Variants in BICC1 observed in about 807,000 individuals in gnomAD.
BICC1 encodes the protein protein bicaudal C homolog 1.
BICC1 carries 43 observed loss-of-function variants against 111.0 expected under a neutral mutation model. That is an observed-to-expected ratio of 0.39 (90% CI 0.30 to 0.50). The LOEUF (loss-of-function observed/expected upper bound fraction) is 0.50. Among genes scored for constraint, BICC1 ranks in the 20% least tolerant of loss-of-function variants. The pLI is 0.88. For missense variants in BICC1, 1,091 were observed against 1,203.2 expected (o/e 0.91, Z 1.38); for synonymous variants, 467 against 434.4 (o/e 1.07, Z -0.93).
chr10:58,674,447 G>C (rs915974613), intron 2 of BICC1, among the ~76,000 whole-genome samples: 6 of 152,146 alleles, frequency 3.9e-5, no homozygotes, highest in African/African-American at 1.2e-4. Context: ...TCCTGTGTCT[G>C]TGTTTTTCTT....
At chr10:58,713,183 C>T (rs964576846) in intron 3 of BICC1, among the ~76,000 whole-genome samples, 6 of 152,068 alleles carry the variant, frequency 3.9e-5, no homozygotes, top group East Asian at 3.9e-4. Flanking sequence ...CACCAGGTGG[C>T]GACTGGACTG....
At chr10:58,731,814 C>A (rs1841307248) in intron 3 of BICC1, among the ~76,000 whole-genome samples, 1 of 151,750 alleles carries the variant, frequency 6.6e-6, no homozygotes, top group Admixed American at 6.6e-5. Flanking sequence ...ATGACAGTAC[C>A]AAGAGGGATG....
chr10:58,687,723 G>A (rs754898634), intron 2 of BICC1, among the ~76,000 whole-genome samples: 14 of 152,272 alleles, frequency 9.2e-5, no homozygotes, highest in Non-Finnish European at 1.2e-4. Flanking sequence ...TTGGAAAAGC[G>A]CAGTATTAGG....
chr10:58,721,023 C>A (rs756689897), intron 3 of BICC1, among the ~76,000 whole-genome samples: 44 of 152,178 alleles, frequency 2.9e-4, no homozygotes, highest in Non-Finnish European at 5.7e-4. Context: ...TGCTTCTCTA[C>A]CGGAGCACAT....
intron 1 of BICC1, among the ~76,000 whole-genome samples, chr10:58,609,852 T>TTGTTTTTCTAAAAAA (rs1845358919): frequency 2.0e-5 from 3 of 152,184 alleles, no homozygotes; most frequent in Admixed American, 6.5e-5. Context: ...AGGGTTAGGG[T>TTGTTTTTCTAAAAAA]TGTTTTTCTA....
chr10:58,658,608 T>C (rs1286451088), intron 2 of BICC1, among the ~76,000 whole-genome samples: 2 of 152,178 alleles, frequency 1.3e-5, no homozygotes, highest in Non-Finnish European at 2.9e-5. Flanking sequence ...ATTCCCTGTT[T>C]ATCAAATTGT....
intron 2 of BICC1, among the ~76,000 whole-genome samples, chr10:58,636,652 T>C (rs1249110190): frequency 1.3e-5 from 2 of 152,122 alleles, no homozygotes; most frequent in African/African-American, 4.8e-5. Flanking sequence ...TTTGAATCAA[T>C]AAGTGAATGT....
chr10:58,602,363 T>C (rs1050523690), intron 1 of BICC1, among the ~76,000 whole-genome samples: 3 of 152,162 alleles, frequency 2.0e-5, no homozygotes. Flanking sequence ...GAGGTAACAT[T>C]ATGTTATAAC....
chr10:58,709,516 G>A (rs935082630), intron 3 of BICC1, among the ~76,000 whole-genome samples: 4 of 152,316 alleles, frequency 2.6e-5, no homozygotes, highest in African/African-American at 7.2e-5. Flanking sequence ...TTGTGAATCC[G>A]TCTATCCCTA....
At chr10:58,659,692 A>G (rs932293701) in intron 2 of BICC1, among the ~76,000 whole-genome samples, 6 of 152,128 alleles carry the variant, frequency 3.9e-5, no homozygotes, top group African/African-American at 1.2e-4. Flanking sequence ...AAACCTGCAC[A>G]TGTACCCCTG....
intron 1 of BICC1, among the ~76,000 whole-genome samples, chr10:58,546,037 C>T (rs939399678): frequency 2.0e-5 from 3 of 152,016 alleles, no homozygotes; most frequent in East Asian, 3.9e-4. Context: ...TTTCCTGAAC[C>T]GGAATTAAGC....
At chr10:58,627,945 A>C (rs1837679957) in intron 2 of BICC1, among the ~76,000 whole-genome samples, 1 of 152,212 alleles carries the variant, frequency 6.6e-6, no homozygotes, top group African/African-American at 2.4e-5. Flanking sequence ...TGTAGGCATT[A>C]AAAATCATAC....
Position 58,513,043 on chromosome 10 carries a change from C to G in BICC1, c.-101C>G. The G allele has an allele frequency of 4.3e-6, 4 of 930,192 alleles. No individual in the cohort carries two copies. Among genetic ancestry groups the G allele is most frequent in the Non-Finnish European group, 4.2e-6 (3 of 722,408 alleles). 57.6% of individuals were successfully genotyped at this position (930,192 alleles called of 1,614,324 possible). A position where few individuals can be genotyped will look rare whatever the true frequency, so the allele number is the denominator to read the frequency against. On this transcript the variant is annotated 5_prime_UTR_variant, in exon 1 of 21. Coordinates refer to ENST00000373886, the MANE Select transcript of BICC1 (RefSeq NM_001080512.3). ...CGGCGGCTGCAGGGGGACGAGCTAG[C>G]GCCGCGGCGCTGGGAGCCAGTTGAG...
chr10:58,662,234 A>G (rs1306971522), intron 2 of BICC1, among the ~76,000 whole-genome samples: 5 of 152,244 alleles, frequency 3.3e-5, no homozygotes, highest in African/African-American at 1.2e-4. Context: ...GAAGAATATA[A>G]AAATCCCAAT....
At chr10:58,669,562 G>C (rs965351692) in intron 2 of BICC1, among the ~76,000 whole-genome samples, 16 of 152,028 alleles carry the variant, frequency 1.1e-4, no homozygotes, top group Non-Finnish European at 1.5e-4. Context: ...TATTGTATTT[G>C]ATAGTGGAAA....
rs773678874 is a variant in BICC1, at chr10:58,799,128, GA to G, written c.1602del (p.Val535CysfsTer15). The part of the protein sequence containing the change: ...QATLTNILLS[G>X]VPTYGHTAPS... ...ACATTAACTAATATTTTGTTGTCTG[GA>G]GTGCCCACCTATGGGCACACAGCTC... On this transcript the variant is annotated frameshift_variant, in exon 12 of 21. Transcript: ENST00000373886. LOFTEE classifies it high-confidence loss of function. The G allele has an allele frequency of 6.2e-7, 1 of 1,613,540 alleles. No individual in the cohort carries two copies. Among genetic ancestry groups the G allele is most frequent in the South Asian group, 1.1e-5 (1 of 91,032 alleles).
At chr10:58,680,545 A>G (rs1316660515) in intron 2 of BICC1, among the ~76,000 whole-genome samples, 1 of 152,198 alleles carries the variant, frequency 6.6e-6, no homozygotes, top group East Asian at 1.9e-4. Flanking sequence ...AAACGGAAAA[A>G]CATTCCATGC....
At chr10:58,587,718 T>C (rs964436112) in intron 1 of BICC1, among the ~76,000 whole-genome samples, 1 of 152,148 alleles carries the variant, frequency 6.6e-6, no homozygotes, top group African/African-American at 2.4e-5. Context: ...CATATGGAAA[T>C]GTTCTATTGT....
chr10:58,679,987 AC>A (rs1839466725), intron 2 of BICC1, among the ~76,000 whole-genome samples: 1 of 152,124 alleles, frequency 6.6e-6, no homozygotes, highest in African/African-American at 2.4e-5. Context: ...AAAATTCAAC[AC>A]CCCTTCATGC....
Sources: allele counts gnomAD v4.1 joint callset (sites outside exome capture counted in the v4.1 genomes callset), GRCh38; gene constraint gnomAD v4.1.1; transcripts MANE v1.5; gene names NCBI Gene and HGNC (gene_info 2026-07-23, HGNC 2026-07-21).